Variants in RBFOX3 observed in about 807,000 individuals in gnomAD.
RBFOX3 encodes RNA binding fox-1 homolog 3, also known as RNA binding protein fox-1 homolog 3.
RBFOX3 carries 17 observed loss-of-function variants against 48.7 expected under a neutral mutation model. That is an observed-to-expected ratio of 0.35 (90% confidence interval 0.24 to 0.52). The LOEUF is 0.52. RBFOX3 is among the 20% of genes least tolerant of loss of function. The probability of loss-of-function intolerance (pLI) is 0.94; values close to 1 mark genes in which losing one functional copy is unlikely to be tolerated. For missense variants in RBFOX3, 382 were observed against 497.5 expected, an observed-to-expected ratio of 0.77 and a Z score of 2.21; for synonymous variants, 212 against 209.5, an observed-to-expected ratio of 1.01 and a Z score of -0.10.
intron 2 of RBFOX3, among the ~76,000 whole-genome samples, chr17:79,345,851 G>A (rs1357632600): frequency 6.6e-6 from 1 of 152,080 alleles, no homozygotes; most frequent in Non-Finnish European, 1.5e-5. Flanking sequence ...ACTCAAGTCT[G>A]TCAATCTTTT....
intron 1 of RBFOX3, among the ~76,000 whole-genome samples, chr17:79,524,257 A>G (rs1452769934): frequency 6.6e-6 from 1 of 152,178 alleles, no homozygotes; most frequent in Non-Finnish European, 1.5e-5. Context: ...ACCAACACAC[A>G]GTAGACATGC....
chr17:79,137,673 G>A (rs1264106586), intron 4 of RBFOX3, among the ~76,000 whole-genome samples: 1 of 151,222 alleles, frequency 6.6e-6, no homozygotes, highest in Non-Finnish European at 1.5e-5. Flanking sequence ...TGTCGGGGGA[G>A]GAGGCGGATG....
chr17:79,271,922 C>T (rs934151350), intron 3 of RBFOX3, among the ~76,000 whole-genome samples: 1 of 152,226 alleles, frequency 6.6e-6, no homozygotes, highest in Admixed American at 6.5e-5. Flanking sequence ...GAACAGAATC[C>T]ACACCAGCAG....
chr17:79,415,646 C>T (rs1044136546), intron 2 of RBFOX3, among the ~76,000 whole-genome samples: 1 of 152,224 alleles, frequency 6.6e-6, no homozygotes, highest in Admixed American at 6.5e-5. Context: ...GACAGTCACA[C>T]AATTGCATGC....
In RBFOX3 at chr17:79,131,091, G is replaced by GTGTGCCCCGTGTGTGCACA. The variant is rs796550267; in HGVS notation, c.-33-15362_-33-15344dup. 4.5e-3 allele frequency among the ~76,000 whole-genome samples: 678 copies of GTGTGCCCCGTGTGTGCACA among 151,950 alleles called. 4 individuals are homozygous for GTGTGCCCCGTGTGTGCACA. The highest frequency in any genetic ancestry group is 0.016 in the African/African-American group (643 of 41,454). ...ATGTGCTGCGTGTCCCGTGTGTGCT[G>GTGTGCCCCGTGTGTGCACA]TGTGCCCCGTGTGTGCACATGTGCG... On this transcript the variant is annotated intron_variant, in intron 4 of 14. Coordinates refer to ENST00000693108, the MANE Select transcript of RBFOX3 (RefSeq NM_001350451.2).
In RBFOX3 at chr17:79,477,780, T is replaced by C. The variant is rs2078153592; in HGVS notation, c.-175+4674A>G. On this transcript the variant is annotated intron_variant, in intron 2 of 14. Coordinates refer to ENST00000693108, the MANE Select transcript of RBFOX3 (RefSeq NM_001350451.2). This position sits in a 1 kb window ranked among gnomAD's most constrained non-coding sequence, Gnocchi z 4.8. ...CCTTCCTAAATATTTTCCAAATACA[T>C]TTCTTAATAGAAAAGGAATCACAGA... 6.6e-6 allele frequency among the ~76,000 whole-genome samples: 1 copy of C among 152,202 alleles called. No homozygotes were observed. Among genetic ancestry groups the C allele is most frequent in the South Asian group, 2.1e-4 (1 of 4,826 alleles).
chr17:79,407,914 C>A (rs2063758818), intron 2 of RBFOX3, among the ~76,000 whole-genome samples: 1 of 152,232 alleles, frequency 6.6e-6, no homozygotes, highest in African/African-American at 2.4e-5. Context: ...ATGCAGCCAG[C>A]ACTGGCCTGG....
At chr17:79,170,121 A>AGGAAGGAAGGAGGAAGGAG (rs1286539000) in intron 4 of RBFOX3, among the ~76,000 whole-genome samples, 2 of 141,446 alleles carry the variant, frequency 1.4e-5, no homozygotes, top group Non-Finnish European at 3.0e-5. Flanking sequence ...GGAGGAAGGA[A>AGGAAGGAAGGAGGAAGGAG]GGAAGGAAGG....
At chr17:79,484,308 C>T (rs1245873579) in intron 1 of RBFOX3, among the ~76,000 whole-genome samples, 1 of 152,238 alleles carries the variant, frequency 6.6e-6, no homozygotes, top group Non-Finnish European at 1.5e-5. Flanking sequence ...CCAGCAACCC[C>T]GGAGCAATGC....
At chr17:79,468,473 T>A (rs2149349428) in intron 2 of RBFOX3, among the ~76,000 whole-genome samples, 1 of 152,082 alleles carries the variant, frequency 6.6e-6, no homozygotes, top group Non-Finnish European at 1.5e-5. Context: ...AATGAATGGA[T>A]AGACGGGTAC....
At chr17:79,253,858 G>A (rs941526529) in intron 3 of RBFOX3, among the ~76,000 whole-genome samples, 1 of 152,202 alleles carries the variant, frequency 6.6e-6, no homozygotes, top group Admixed American at 6.5e-5. Flanking sequence ...AATGGTCCAC[G>A]GGGTGGCCAT....
intron 9 of RBFOX3, chr17:79,098,276 C>G (rs2075771126): frequency 6.5e-6 from 1 of 154,826 alleles, no homozygotes; most frequent in African/African-American, 2.4e-5. Flanking sequence ...CCTGCTCTCA[C>G]TTTCCTCCCG....
chr17:79,455,498 C>G (rs993766337), intron 2 of RBFOX3, among the ~76,000 whole-genome samples: 2 of 152,082 alleles, frequency 1.3e-5, no homozygotes, highest in Admixed American at 1.3e-4. Context: ...CACCACAGAG[C>G]CCCATGGAGA....
chr17:79,613,266 A>C (rs950183049), upstream of RBFOX3, among the ~76,000 whole-genome samples: 1 of 152,198 alleles, frequency 6.6e-6, no homozygotes, highest in Admixed American at 6.5e-5. Flanking sequence ...TGGTAAACTG[A>C]AATTGGCCTC....
intron 3 of RBFOX3, among the ~76,000 whole-genome samples, chr17:79,275,117 T>G (rs1410399284): frequency 7.8e-6 from 1 of 127,822 alleles, no homozygotes; most frequent in Non-Finnish European, 1.7e-5. Context: ...TCTCTCTCCA[T>G]GTCTCCCTCT....
In RBFOX3 at chr17:79,095,501, C is replaced by T. The variant is rs1276145453; in HGVS notation, c.998+12G>A. The T allele has an allele frequency of 3.2e-6, 5 of 1,550,822 alleles. No homozygotes were observed. Among genetic ancestry groups the T allele is most frequent in the Non-Finnish European group, 4.4e-6 (5 of 1,146,354 alleles). On this transcript the variant is annotated intron_variant, in intron 13 of 14. Coordinates refer to ENST00000693108, the MANE Select transcript of RBFOX3 (RefSeq NM_001350451.2). Reference sequence around the variant, plus strand: ...CACCCTGCTCCAGAACAGTGCTGGCCCCCGGCCTCACCTGTCGCTGTAGGC... The same window carrying T: ...CACCCTGCTCCAGAACAGTGCTGGCTCCCGGCCTCACCTGTCGCTGTAGGC...
At chr17:79,314,764 G>A (rs777830532) in intron 2 of RBFOX3, among the ~76,000 whole-genome samples, 16 of 152,202 alleles carry the variant, frequency 1.1e-4, no homozygotes, top group Admixed American at 3.9e-4. Flanking sequence ...TCTGGTCCAC[G>A]CTTACATGTG....
In RBFOX3 at chr17:79,414,084, G is replaced by A. The variant is rs565626983; in HGVS notation, c.-175+68370C>T. On this transcript the variant is annotated intron_variant, in intron 2 of 14. Coordinates refer to ENST00000693108, the MANE Select transcript of RBFOX3 (RefSeq NM_001350451.2). The stretch of plus-strand genomic sequence containing the variant: ...CACCAGCTCGGCTGGCCTCGGCCTT[G>A]TTATTCTACCCAGGATCCACAAAGC... 5.3e-5 allele frequency among the ~76,000 whole-genome samples: 8 copies of A among 152,232 alleles called. No individual in the cohort carries two copies. In the South Asian group the frequency reaches 1.7e-3, roughly 32 times the overall value.
chr17:79,665,175 C>T, the RBFOX3 span, among the ~76,000 whole-genome samples: 1 of 152,210 alleles, frequency 6.6e-6, no homozygotes, highest in African/African-American at 2.4e-5. Context: ...CTCTTCAAAT[C>T]GGCAAAGGAG....
Sources: gnomAD v4.1 joint callset for allele counts (sites outside exome capture counted in the v4.1 genomes callset) on GRCh38, gnomAD v4.1.1 for gene constraint, Gnocchi (gnomAD v3.1) non-coding constraint, MANE v1.5 for transcripts, NCBI Gene and HGNC (gene_info 2026-07-23, HGNC 2026-07-21) for gene names.